PRSS36: variants seen among roughly 807,000 people sequenced by gnomAD.
The protein encoded by PRSS36 is polyserase-2.
In PRSS36, 90 loss-of-function variants were observed where a neutral mutation model predicts 94.3. The ratio of observed to expected loss-of-function variants is 0.95; its 90% CI spans 0.80 to 1.14. PRSS36 has a LOEUF of 1.14. PRSS36 is among the 50% of genes most tolerant of loss of function. PRSS36 has a pLI of 0.00. For synonymous variants in PRSS36, 500 were observed against 489.6 expected (o/e 1.02, Z -0.28); for missense variants, 1,158 against 1,135.0 (o/e 1.02, Z -0.29).
chr16:31,146,101 T>G, intron 5 of PRSS36, 146 bp from the exon 6 acceptor site: 3 of 692,404 alleles, frequency 4.3e-6, no homozygotes, highest in Non-Finnish European at 7.1e-6. Flanking sequence ...CCACATCTCC[T>G]CCTGCTTCTA....
rs770670698 is a variant in PRSS36, at chr16:31,138,992, C to T, written c.*146G>A. The T allele has an allele frequency of 5.6e-6, 5 of 898,106 alleles. No individual in the cohort carries two copies. Among genetic ancestry groups the T allele is most frequent in the Middle Eastern group, 3.4e-4 (1 of 2,938 alleles). 55.6% of individuals were successfully genotyped at this position (898,106 alleles called of 1,614,324 possible). A position where few individuals can be genotyped will look rare whatever the true frequency, so the allele number is the denominator to read the frequency against. The stretch of plus-strand genomic sequence containing the variant: ...AAGGATTCCTGGGTTCAAAATAGCC[C>T]GGGCACTGAGGCCCAATTAGCCAGA... On this transcript the variant is annotated 3_prime_UTR_variant, in exon 15 of 15. Coordinates refer to ENST00000268281, the MANE Select transcript of PRSS36 (RefSeq NM_173502.5).
intron 14 of PRSS36, 101 bp downstream of exon 14, chr16:31,140,189 CAAAA>C: frequency 8.3e-7 from 1 of 1,211,924 alleles, no homozygotes; most frequent in African/African-American, 1.7e-5. Context: ...GACTCTGTCT[CAAAA>C]AAAAAAAAAA....
At chr16:31,141,030 G>T (rs982113911) in intron 12 of PRSS36, among the ~76,000 whole-genome samples, 1 of 152,096 alleles carries the variant, frequency 6.6e-6, no homozygotes, top group African/African-American at 2.4e-5. Flanking sequence ...GGGTTCAAGC[G>T]ATTCTCCTGC....
In PRSS36 at chr16:31,141,922, C is replaced by G; in HGVS notation, c.1560G>C (p.Gly520=). 6.2e-7 allele frequency: 1 copy of G among 1,614,156 alleles called. No individual in the cohort carries two copies. The stretch of plus-strand genomic sequence containing the variant: ...CTCTGATTCCAGCCAGAAACCAGGT[C>G]CCCTCCTCCTGGCACAAAAGGCTCC... ...SRWSLLCQEE[G]TWFLAGIRDF... is the part of the protein sequence containing the mutation. The change falls in exon 11 of 15, where the codon GGG becomes GGC. Residue 520 remains glycine, a synonymous_variant. Coordinates refer to ENST00000268281, the MANE Select transcript of PRSS36 (RefSeq NM_173502.5).
At chr16:31,140,819 G>A (rs2144021246) in intron 12 of PRSS36, 62 bp from the exon 13 acceptor site, 2 of 1,570,354 alleles carry the variant, frequency 1.3e-6, no homozygotes, top group Non-Finnish European at 1.7e-6. Context: ...GTCCTTCCCA[G>A]CCCAGGGGAA....
chr16:31,143,663 A>T lies in PRSS36; in HGVS notation c.895T>A (p.Phe299Ile). ...TGGGTCTTCTGGGGCTGGGTGGGAA[A>T]GGCAGGCCCAGGCTCTGAACCCATC... ...QVMGSEPGPA[F>I]PTQPQKTQSD... The change falls in exon 7 of 15, where the codon TTT becomes ATT. Residue 299 changes from phenylalanine to isoleucine, a missense_variant. By Grantham distance (21) the Phe-to-Ile change is conservative. Transcript: ENST00000268281. The T allele has an allele frequency of 1.2e-6, 2 of 1,614,180 alleles. No individual in the cohort carries two copies. The highest frequency in any genetic ancestry group is 1.7e-6 in the Non-Finnish European group (2 of 1,180,038).
chr16:31,141,813 C>T lies in PRSS36; in HGVS notation c.1669G>A (p.Ala557Thr). ...GPWISHVTRGAYLEDQLAWDW... is the reference protein window; with the variant it reads ...GPWISHVTRGTYLEDQLAWDW... Reference sequence around the variant, plus strand: ...CAGGCTAGCTGGTCCTCCAGGTAGGCTCCCCGAGTCACATGGCTGATCCAT... The same window carrying T: ...CAGGCTAGCTGGTCCTCCAGGTAGGTTCCCCGAGTCACATGGCTGATCCAT... The change falls in exon 11 of 15, where the codon GCC (alanine) becomes ACC (threonine). Residue 557 changes from alanine to threonine, a missense_variant. Ala to Thr is a moderately conservative substitution (Grantham distance 58). Transcript: ENST00000268281. 1 of 1,614,224 alleles carries T rather than the reference C, an allele frequency of 6.2e-7. No homozygotes were observed. The highest frequency in any genetic ancestry group is 8.5e-7 in the Non-Finnish European group (1 of 1,180,046).
At chr16:31,142,342 C>T (rs960306945) in intron 10 of PRSS36, 139 bp downstream of exon 10, 2 of 1,018,602 alleles carry the variant, frequency 2.0e-6, no homozygotes, top group Non-Finnish European at 2.7e-6. Flanking sequence ...CCGCTCCCTC[C>T]CTAGAGCCCA....
At chr16:31,147,634 G>C in intron 5 of PRSS36, among the ~76,000 whole-genome samples, 1 of 152,162 alleles carries the variant, frequency 6.6e-6, no homozygotes, top group East Asian at 1.9e-4. Flanking sequence ...CTATCTCCTA[G>C]GATGTAAACT....
At position 31,142,508 on chromosome 16, in the gene PRSS36, C is replaced by T. The variant is rs1490145039; in HGVS notation, c.1494G>A (p.Gln498=). 6.7e-7 allele frequency: 1 copy of T among 1,497,708 alleles called. No individual in the cohort carries two copies. 92.8% of individuals were successfully genotyped at this position (1,497,708 alleles called of 1,614,324 possible). Residue 498 remains glutamine, a synonymous_variant, in exon 10 of 15, where the codon CAG becomes CAA. Transcript: ENST00000268281. The part of the protein sequence containing the change: ...DPPHALCPAY[Q]EKEEVGSCWN... Reference sequence around the variant, plus strand: ...AGCAGCTGCCCACCTCCTCCTTTTCCTGGTAGGCAGGGCAGAGCGCGTGCG... The same window carrying T: ...AGCAGCTGCCCACCTCCTCCTTTTCTTGGTAGGCAGGGCAGAGCGCGTGCG...
chr16:31,142,347 A>C (rs1157286548), intron 10 of PRSS36, 134 bp downstream of exon 10: 1 of 1,025,900 alleles, frequency 9.7e-7, no homozygotes, highest in Non-Finnish European at 1.3e-6. Flanking sequence ...CCCTCCCTAG[A>C]GCCCACTCGG....
chr16:31,141,460 G>A lies in PRSS36; in HGVS notation c.1901+9C>T, dbSNP rs754769643. ...CCCGTCTCTCGCCTAGGAGACGAGT[G>A]AGACCCACCTGAGGACACAGTGAGT... is the stretch of plus-strand genomic sequence containing the variant. On this transcript the variant is annotated intron_variant, in intron 12 of 14. Transcript: ENST00000268281. The A allele has an allele frequency of 1.2e-6, 2 of 1,601,486 alleles. No homozygotes were observed. Among genetic ancestry groups the A allele is most frequent in the Admixed American group, 1.7e-5 (1 of 59,092 alleles).
At chr16:31,141,249 C>T (rs1412254502) in intron 12 of PRSS36, among the ~76,000 whole-genome samples, 1 of 152,134 alleles carries the variant, frequency 6.6e-6, no homozygotes, top group East Asian at 1.9e-4. Context: ...GAATATCCCA[C>T]TATTTTAAGA....
chr16:31,148,872 G>A (rs1006758632), intron 4 of PRSS36, among the ~76,000 whole-genome samples, 197 bp from the exon 5 acceptor site: 10 of 152,258 alleles, frequency 6.6e-5, no homozygotes, highest in Admixed American at 5.2e-4. Flanking sequence ...ATTCAGACCC[G>A]GATATTGAGT....
intron 14 of PRSS36, 30 bp from the exon 15 acceptor site, chr16:31,139,446 C>T: frequency 6.3e-7 from 1 of 1,597,060 alleles, no homozygotes; most frequent in Non-Finnish European, 8.6e-7. Flanking sequence ...CCACGTGGGT[C>T]TGCTGCCCTT....
chr16:31,140,466 T>A, intron 13 of PRSS36, 26 bp downstream of exon 13: 1 of 1,598,438 alleles, frequency 6.3e-7, no homozygotes, highest in Non-Finnish European at 8.5e-7. Flanking sequence ...CAGCTACTCC[T>A]CGTTCCCGTG....
intron 3 of PRSS36, 77 bp from the exon 4 acceptor site, chr16:31,149,312 G>T: frequency 6.7e-7 from 1 of 1,503,518 alleles, no homozygotes. Flanking sequence ...CAGGACGAAG[G>T]CCCGTCCTCC....
intron 8 of PRSS36, 82 bp downstream of exon 8, chr16:31,143,260 G>A: frequency 6.6e-7 from 1 of 1,513,004 alleles, no homozygotes; most frequent in South Asian, 1.3e-5. Context: ...ACACCCCCTG[G>A]GGAGGGGCTG....
chr16:31,142,801 T>G lies in PRSS36; in HGVS notation c.1293A>C (p.Leu431=). ...NLSAASRPVC[L]PHPEHYFLPG... ...GCAGGAAGTAGTGTTCCGGGTGGGG[T>G]AGGCACACGGGCCGCGAAGCCGCGC... Residue 431 remains leucine (L), a synonymous_variant, in exon 9 of 15, where the codon CTA becomes CTC. Coordinates refer to ENST00000268281, the MANE Select transcript of PRSS36 (RefSeq NM_173502.5). 1.3e-6 allele frequency: 2 copies of G among 1,508,580 alleles called. No individual in the cohort carries two copies. The highest frequency in any genetic ancestry group is 2.2e-5 in the Admixed American group (1 of 45,390). 93.4% of individuals were successfully genotyped at this position (1,508,580 alleles called of 1,614,324 possible).
Sources: gnomAD v4.1 joint callset for allele counts (sites outside exome capture counted in the v4.1 genomes callset) on GRCh38, gnomAD v4.1.1 for gene constraint, MANE v1.5 for transcripts, NCBI Gene and HGNC (gene_info 2026-07-23, HGNC 2026-07-21) for gene names.